Variants in PRPF3 observed in about 807,000 individuals in gnomAD.
PRPF3 encodes the protein pre-mRNA processing factor 3.
Under a neutral mutation model 89.2 loss-of-function variants are expected in PRPF3, and 3 were observed. That is an observed-to-expected ratio of 0.03 (90% confidence interval 0.02 to 0.09). The LOEUF (loss-of-function observed/expected upper bound fraction) is 0.09. PRPF3 is among the 10% of genes least tolerant of loss of function. The probability of loss-of-function intolerance (pLI) is 1.00; values close to 1 mark genes in which losing one functional copy is unlikely to be tolerated. For synonymous variants in PRPF3, 270 were observed against 289.1 expected (o/e 0.93, Z 0.67); for missense variants, 463 against 828.8 (o/e 0.56, Z 5.42).
intron 10 of PRPF3, among the ~76,000 whole-genome samples, 175 bp downstream of exon 10, chr1:150,343,627 C>T (rs1176882822): frequency 6.6e-6 from 1 of 152,202 alleles, no homozygotes; most frequent in Non-Finnish European, 1.5e-5. Context: ...TCAACACATT[C>T]ATTATAGAGG....
chr1:150,334,824 C>A, intron 6 of PRPF3, 111 bp from the exon 7 acceptor site: 1 of 1,332,434 alleles, frequency 7.5e-7, no homozygotes, highest in Non-Finnish European at 1.1e-6. Flanking sequence ...CTGCCTTGGC[C>A]TCCCAAAATG....
chr1:150,339,201 T>C (rs1166966725), intron 8 of PRPF3, among the ~76,000 whole-genome samples: 1 of 149,690 alleles, frequency 6.7e-6, no homozygotes, highest in Non-Finnish European at 1.5e-5. Context: ...ACCTCGTTTC[T>C]ACAAAGATTA....
intron 9 of PRPF3, among the ~76,000 whole-genome samples, chr1:150,342,372 T>C (rs1657842340): frequency 6.6e-6 from 1 of 152,064 alleles, no homozygotes; most frequent in Admixed American, 6.6e-5. Flanking sequence ...AGAGCGAGAC[T>C]CCGTCTCAAC....
At chr1:150,343,164 C>T in intron 9 of PRPF3, 145 bp from the exon 10 acceptor site, 1 of 362,590 alleles carries the variant, frequency 2.8e-6, no homozygotes, top group Non-Finnish European at 4.4e-6. Context: ...ATTACTTGAA[C>T]CCAGGAGGCA....
chr1:150,336,957 A>G (rs1553868032), intron 7 of PRPF3, among the ~76,000 whole-genome samples: 1 of 151,606 alleles, frequency 6.6e-6, no homozygotes, highest in South Asian at 2.1e-4. Flanking sequence ...ATGAGACAGT[A>G]CACCTGGAGA....
chr1:150,334,240 A>T (rs1656731823), intron 6 of PRPF3, among the ~76,000 whole-genome samples: 1 of 152,074 alleles, frequency 6.6e-6, no homozygotes, highest in South Asian at 2.1e-4. Context: ...TGGGAGGTTG[A>T]GGTTGCAATG....
At chr1:150,327,287 C>T (rs142274903) in intron 3 of PRPF3, among the ~76,000 whole-genome samples, 1,535 of 152,014 alleles carry the variant, frequency 0.01, 21 homozygotes, top group African/African-American at 0.034. Context: ...AGGTTGGTCT[C>T]GAACTCCTGA....
In PRPF3 at chr1:150,333,149, T is replaced by G. The variant is rs1553866195; in HGVS notation, c.678T>G (p.Asn226Lys). ...CACTGAAGCCAGGACTCATCGGCAA[T>G]GCCAACATGGTGGGCCTGGCTAATC... Reference protein sequence around the residue: ...QLALKPGLIGNANMVGLANLH... With the variant: ...QLALKPGLIGKANMVGLANLH... Residue 226 changes from asparagine (N) to lysine (K), a missense_variant, in exon 6 of 16, where the codon AAT becomes AAG. Physicochemically the swap from Asn to Lys is moderately conservative, Grantham distance 94 (BLOSUM62 0). Transcript: ENST00000324862. 1 of 1,614,226 alleles carries G rather than the reference T, an allele frequency of 6.2e-7. No homozygotes were observed. The highest frequency in any genetic ancestry group is 1.7e-5 in the Admixed American group (1 of 60,026).
chr1:150,333,650 T>G (rs782292252), intron 6 of PRPF3, among the ~76,000 whole-genome samples: 2 of 152,212 alleles, frequency 1.3e-5, no homozygotes, highest in African/African-American at 2.4e-5. Context: ...GTGTGATTGA[T>G]TAACCAGTTG....
At position 150,324,880 on chromosome 1, in the gene PRPF3, C is replaced by CT. The variant is rs75011188; in HGVS notation, c.-48-3dup. ...TCTTTTCTTATTCTCTAACTTGTCT[C>CT]TTTTTTTTTTTTAGGTGTAGTATTG... On this transcript the variant is annotated splice_polypyrimidine_tract_variant and intron_variant, in intron 1 of 15. Transcript: ENST00000324862. 0.019 allele frequency: 24,126 copies of CT among 1,294,178 alleles called. 388 individuals are homozygous for CT. Among genetic ancestry groups the CT allele is most frequent in the East Asian group, 0.025 (907 of 36,268 alleles). The allele number at this position is 1,294,178 out of a possible 1,614,324, so 80.2% of individuals were successfully genotyped here.
At chr1:150,333,521 C>T (rs12136332) in intron 6 of PRPF3, among the ~76,000 whole-genome samples, 32,428 of 152,002 alleles carry the variant, frequency 0.21, 3,933 homozygotes, top group African/African-American at 0.29. Flanking sequence ...GAGCTGAGAT[C>T]GTGCCACTGC....
At chr1:150,331,406 C>G (rs1572211076) in intron 4 of PRPF3, among the ~76,000 whole-genome samples, 1 of 151,812 alleles carries the variant, frequency 6.6e-6, no homozygotes, top group African/African-American at 2.4e-5. Context: ...CCCCTGTTGT[C>G]CAGGCTGGAG....
intron 8 of PRPF3, among the ~76,000 whole-genome samples, chr1:150,338,619 C>T (rs901377678): frequency 6.6e-6 from 1 of 150,530 alleles, no homozygotes; most frequent in East Asian, 2.0e-4. Flanking sequence ...TCCTTGAATT[C>T]TCCTTGAATC....
chr1:150,340,321 C>A, intron 8 of PRPF3, 77 bp from the exon 9 acceptor site: 1 of 1,110,324 alleles, frequency 9.0e-7, no homozygotes, highest in Non-Finnish European at 1.4e-6. Flanking sequence ...TGGGTTTTTT[C>A]ATTGTATTTC....
intron 9 of PRPF3, among the ~76,000 whole-genome samples, chr1:150,341,634 G>A (rs1348118110): frequency 6.6e-6 from 1 of 151,756 alleles, no homozygotes; most frequent in African/African-American, 2.4e-5. Context: ...TTGAACTCCT[G>A]ACCTCAGGTG....
In PRPF3 at chr1:150,324,892, T is replaced by TTTTA; in HGVS notation, c.-48-3_-48-2insTTTA. On this transcript the variant is annotated splice_region_variant and splice_polypyrimidine_tract_variant and intron_variant, in intron 1 of 15. Transcript: ENST00000324862. ...CTCTAACTTGTCTCTTTTTTTTTTTTAGGTGTAGTATTGAGTCCTGTTTGA... is the reference window on the plus strand; with the variant it reads ...CTCTAACTTGTCTCTTTTTTTTTTTTTTTAAGGTGTAGTATTGAGTCCTGTTTGA... 1.3e-6 allele frequency: 2 copies of TTTTA among 1,580,224 alleles called. No individual in the cohort carries two copies. Among genetic ancestry groups the TTTTA allele is most frequent in the Non-Finnish European group, 1.7e-6 (2 of 1,164,126 alleles).
chr1:150,336,276 C>T (rs782616804), intron 7 of PRPF3, among the ~76,000 whole-genome samples: 23 of 151,922 alleles, frequency 1.5e-4, no homozygotes, highest in Middle Eastern at 3.2e-3. Flanking sequence ...ATAGGGTTCG[C>T]GCTCCTCTGA....
At chr1:150,338,758 G>A (rs587771576) in intron 8 of PRPF3, among the ~76,000 whole-genome samples, 18 of 152,070 alleles carry the variant, frequency 1.2e-4, no homozygotes, top group Non-Finnish European at 5.9e-5. Context: ...CAGGTGATCC[G>A]CCCACCTTAG....
At chr1:150,341,362 G>C (rs1657695418) in intron 9 of PRPF3, among the ~76,000 whole-genome samples, 1 of 145,268 alleles carries the variant, frequency 6.9e-6, no homozygotes, top group African/African-American at 2.5e-5. Flanking sequence ...CTTTTTGTTA[G>C]TTTCCCAAAG....
Sources: gnomAD v4.1 joint callset for allele counts (sites outside exome capture counted in the v4.1 genomes callset) on GRCh38, gnomAD v4.1.1 for gene constraint, MANE v1.5 for transcripts, NCBI Gene and HGNC (gene_info 2026-07-23, HGNC 2026-07-21) for gene names.